The following RGS7 variants were observed in gnomAD, a reference collection of about 807,000 sequenced individuals.
RGS7 encodes regulator of G-protein signaling 7.
RGS7 carries 27 observed loss-of-function variants against 81.1 expected under a neutral mutation model. That is an observed-to-expected ratio of 0.33 (90% CI 0.25 to 0.46). The LOEUF (loss-of-function observed/expected upper bound fraction) is 0.46. Ranked by LOEUF, RGS7 falls within the 20% of genes least tolerant of loss-of-function variation. The pLI, the probability that RGS7 is intolerant of heterozygous loss-of-function variation, is 1.00. For synonymous variants in RGS7, 208 were observed against 207.7 expected (o/e 1.00, Z -0.01); for missense variants, 396 against 607.4 (o/e 0.65, Z 3.66).
At chr1:241,127,185 T>C (rs542968183) in intron 2 of RGS7, among the ~76,000 whole-genome samples, 1 of 152,266 alleles carries the variant, frequency 6.6e-6, no homozygotes, top group East Asian at 1.9e-4. Context: ...TAACTGAGTC[T>C]TGAAGTAGAA....
At chr1:240,898,482 G>A (rs1488623862) in intron 6 of RGS7, among the ~76,000 whole-genome samples, 3 of 152,102 alleles carry the variant, frequency 2.0e-5, no homozygotes, top group Non-Finnish European at 4.4e-5. Context: ...GGTATGTTGT[G>A]TCTTTGTTCT....
At chr1:241,259,284 C>A (rs1044880741) in intron 2 of RGS7, among the ~76,000 whole-genome samples, 3 of 151,996 alleles carry the variant, frequency 2.0e-5, no homozygotes, top group Admixed American at 1.3e-4. Context: ...AGTTAATGGA[C>A]CTTTGGGTGT....
At chr1:240,927,864 A>G (rs537307180) in intron 6 of RGS7, among the ~76,000 whole-genome samples, 2 of 152,300 alleles carry the variant, frequency 1.3e-5, no homozygotes, top group African/African-American at 4.8e-5. Context: ...GTTTGGGGAG[A>G]AAGTGTAGGA....
intron 4 of RGS7, among the ~76,000 whole-genome samples, chr1:240,938,589 G>A (rs1328762568): frequency 1.3e-5 from 2 of 152,126 alleles, no homozygotes; most frequent in Non-Finnish European, 2.9e-5. Context: ...CCTTGAAATT[G>A]TTATCTAGCA....
At chr1:240,786,617 C>T (rs1416061350) in intron 18 of RGS7, among the ~76,000 whole-genome samples, 1 of 152,130 alleles carries the variant, frequency 6.6e-6, no homozygotes, top group African/African-American at 2.4e-5. Flanking sequence ...CACACATATA[C>T]AAATACGCAC....
intron 4 of RGS7, among the ~76,000 whole-genome samples, chr1:240,944,764 A>G (rs1678306819): frequency 6.6e-6 from 1 of 152,186 alleles, no homozygotes. Flanking sequence ...ACCAGTCTGG[A>G]GTGCAGTGGC....
rs540737449 is a variant in RGS7 at position 241,207,348 on chromosome 1, C to CATATATATAT, written c.79-108596_79-108587dup. ...GGTATGGAGTATGCACTTTAAAATG[C>CATATATATAT]ATATATATATATGCGTAAATATACA... On this transcript the variant is annotated intron_variant, in intron 2 of 18. Transcript: ENST00000440928. 4.9e-3 allele frequency among the ~76,000 whole-genome samples: 705 copies of CATATATATAT among 143,760 alleles called. 9 individuals carry two copies. Among genetic ancestry groups the CATATATATAT allele is most frequent in the African/African-American group, 0.017 (670 of 40,154 alleles). The allele number at this position is 143,760 out of a possible 152,430, so 94.3% of individuals were successfully genotyped here.
At chr1:241,259,532 C>T (rs1185894222) in intron 2 of RGS7, among the ~76,000 whole-genome samples, 2 of 150,860 alleles carry the variant, frequency 1.3e-5, no homozygotes, top group Admixed American at 1.3e-4. Flanking sequence ...TGCCTGTAAT[C>T]TCAGCTACTC....
At chr1:241,179,929 T>C (rs1166091127) in intron 2 of RGS7, among the ~76,000 whole-genome samples, 2 of 152,036 alleles carry the variant, frequency 1.3e-5, no homozygotes, top group Non-Finnish European at 2.9e-5. Context: ...TAAAATCTAG[T>C]TGGGTAGATG....
At chr1:241,146,330 G>A (rs1343997801) in intron 2 of RGS7, among the ~76,000 whole-genome samples, 1 of 152,170 alleles carries the variant, frequency 6.6e-6, no homozygotes, top group Non-Finnish European at 1.5e-5. Flanking sequence ...TAAAGTATAT[G>A]GGAGTATGTG....
At chr1:241,325,010 T>C (rs1188099443) in intron 2 of RGS7, among the ~76,000 whole-genome samples, 1 of 152,204 alleles carries the variant, frequency 6.6e-6, no homozygotes, top group African/African-American at 2.4e-5. Flanking sequence ...TAAAAAATAA[T>C]TGTGAAGTTC....
At chr1:240,901,369 G>T (rs34671508) in intron 6 of RGS7, among the ~76,000 whole-genome samples, 19,451 of 152,100 alleles carry the variant, frequency 0.13, 1,343 homozygotes, top group Middle Eastern at 0.18. Context: ...CTTCTGCGTC[G>T]CTCATGCTGG....
Position 241,039,868 on chromosome 1 carries a change from G to A in RGS7, c.176-56739C>T, listed in dbSNP as rs1003170858. Among the ~76,000 whole-genome samples, 8 of 152,156 alleles carry A rather than the reference G, an allele frequency of 5.3e-5. No homozygotes were observed. The East Asian group carries it at 1.3e-3, about 26-fold the overall frequency. On this transcript the variant is annotated intron_variant, in intron 3 of 18. Transcript: ENST00000440928. ...ACCGACTTGCTGTTCAGGAACACCC[G>A]CTTTGGAAATTACATGTTCAATAAA...
chr1:241,063,613 C>T (rs544953934), intron 3 of RGS7, among the ~76,000 whole-genome samples: 1 of 152,260 alleles, frequency 6.6e-6, no homozygotes, highest in South Asian at 2.1e-4. Context: ...CTTTCACCGG[C>T]TTTTGATCTG....
At chr1:241,292,410 T>C (rs1412730100) in intron 2 of RGS7, among the ~76,000 whole-genome samples, 1 of 152,102 alleles carries the variant, frequency 6.6e-6, no homozygotes, top group African/African-American at 2.4e-5. Context: ...ATTTAGGAAA[T>C]AAACTACTCC....
intron 2 of RGS7, chr1:241,186,452 T>C: frequency 2.1e-6 from 2 of 945,476 alleles, no homozygotes; most frequent in Non-Finnish European, 2.5e-6. Flanking sequence ...CTAGCATTTT[T>C]ACCTGATTGC....
intron 2 of RGS7, among the ~76,000 whole-genome samples, chr1:241,152,385 ATCAT>A (rs368475394): frequency 1.3e-5 from 2 of 152,344 alleles, no homozygotes; most frequent in African/African-American, 4.8e-5. Context: ...TGAAAATACG[ATCAT>A]TCATTGAAGA....
At chr1:241,350,857 C>T (rs2083204571) in intron 2 of RGS7, among the ~76,000 whole-genome samples, 1 of 152,026 alleles carries the variant, frequency 6.6e-6, no homozygotes, top group Non-Finnish European at 1.5e-5. Flanking sequence ...ACTGACAAAC[C>T]CACTGAGTTA....
At chr1:240,811,812 CATT>C in intron 14 of RGS7, 103 bp downstream of exon 14, 1 of 1,052,572 alleles carries the variant, frequency 9.5e-7, no homozygotes. Flanking sequence ...TTCATGACAT[CATT>C]ATGATGTTAG....
Sources: gnomAD v4.1 joint callset for allele counts (sites outside exome capture counted in the v4.1 genomes callset) on GRCh38, gnomAD v4.1.1 for gene constraint, MANE v1.5 for transcripts, NCBI Gene and HGNC (gene_info 2026-07-23, HGNC 2026-07-21) for gene names.